IPO7: variants seen among roughly 807,000 people sequenced by gnomAD.
IPO7 encodes importin 7, also known as importin-7.
Under a neutral mutation model 136.4 loss-of-function variants are expected in IPO7, and 13 were observed. The observed-to-expected ratio is 0.10, with a 90% CI of 0.06 to 0.15. The LOEUF (loss-of-function observed/expected upper bound fraction) is 0.15. IPO7 is among the 10% of genes least tolerant of loss of function. The probability of loss-of-function intolerance (pLI) is 1.00; values close to 1 mark genes in which losing one functional copy is unlikely to be tolerated. For synonymous variants in IPO7, 403 were observed against 404.4 expected, an observed-to-expected ratio of 1.00 and a Z score of 0.04; for missense variants, 857 against 1,240.6, an observed-to-expected ratio of 0.69 and a Z score of 4.65.
chr11:9,429,825 A>G lies in IPO7; in HGVS notation c.1743A>G (p.Thr581=). The G allele has an allele frequency of 6.3e-7, 1 of 1,592,778 alleles. No homozygotes were observed. The highest frequency in any genetic ancestry group is 8.5e-7 in the Non-Finnish European group (1 of 1,172,412). Residue 581 remains threonine, a synonymous_variant, in exon 15 of 25, where the codon ACA becomes ACG. Transcript: ENST00000379719. ...EEVTPIAVEM[T]QHLAMTFNQV... Reference sequence around the variant, plus strand: ...TTACTCCTATTGCAGTAGAAATGACACAACATTTGGTATGTTGTTTGAACC... The same window carrying G: ...TTACTCCTATTGCAGTAGAAATGACGCAACATTTGGTATGTTGTTTGAACC...
chr11:9,429,589 T>C, intron 14 of IPO7, 85 bp from the exon 15 acceptor site: 1 of 1,110,884 alleles, frequency 9.0e-7, no homozygotes, highest in South Asian at 1.5e-5. Context: ...AAAGTACTTT[T>C]TTAAAAAACT....
chr11:9,400,373 T>C (rs1564992873), intron 1 of IPO7, among the ~76,000 whole-genome samples: 1 of 152,200 alleles, frequency 6.6e-6, no homozygotes, highest in Non-Finnish European at 1.5e-5. Context: ...TATTCAACCC[T>C]GTAGCCTCAG....
chr11:9,428,791 G>T (rs770499481), intron 13 of IPO7, 162 bp downstream of exon 13: 7 of 783,228 alleles, frequency 8.9e-6, no homozygotes, highest in Non-Finnish European at 1.7e-5. Flanking sequence ...GTGTGCATAG[G>T]TTTCATCTGT....
At chr11:9,403,032 G>T (rs1269623773) in intron 1 of IPO7, 2 of 381,600 alleles carry the variant, frequency 5.2e-6, no homozygotes, top group East Asian at 1.3e-4. Flanking sequence ...AAAAATTAAA[G>T]AAAAAAGAAT....
intron 18 of IPO7, among the ~76,000 whole-genome samples, chr11:9,434,276 G>T (rs550807987): frequency 7.9e-5 from 12 of 152,184 alleles, no homozygotes; most frequent in African/African-American, 2.9e-4. Flanking sequence ...ACAATTATCA[G>T]TAGAAGTTAA....
At chr11:9,397,400 T>G (rs1349119083) in intron 1 of IPO7, among the ~76,000 whole-genome samples, 6 of 134,776 alleles carry the variant, frequency 4.5e-5, no homozygotes, top group Admixed American at 8.1e-5. Flanking sequence ...TGTAAATTTT[T>G]TTAAATTTTC....
chr11:9,398,138 T>C (rs1416698711), intron 1 of IPO7, among the ~76,000 whole-genome samples: 1 of 152,110 alleles, frequency 6.6e-6, no homozygotes, highest in Non-Finnish European at 1.5e-5. Flanking sequence ...AAAACCTTTC[T>C]CACTCTACAC....
chr11:9,438,061 T>TG lies in IPO7; in HGVS notation c.2490-19_2490-18insG. 3 of 762,108 alleles carry TG rather than the reference T, an allele frequency of 3.9e-6. No homozygotes were observed. The highest frequency in any genetic ancestry group is 5.2e-6 in the Non-Finnish European group (3 of 577,952). 47.2% of individuals were successfully genotyped at this position (762,108 alleles called of 1,614,324 possible). A position where few individuals can be genotyped will look rare whatever the true frequency, so the allele number is the denominator to read the frequency against. ...AAGAAAACAGTTTTTTTTTTTTTTT[T>TG]TTTTTTTTTTTTTTTTAGGCTTCAT... is the stretch of plus-strand genomic sequence containing the variant. On this transcript the variant is annotated intron_variant, in intron 21 of 24. Coordinates refer to ENST00000379719, the MANE Select transcript of IPO7 (RefSeq NM_006391.3).
intron 1 of IPO7, among the ~76,000 whole-genome samples, chr11:9,387,579 C>T (rs1286238468): frequency 6.6e-6 from 1 of 152,214 alleles, no homozygotes; most frequent in African/African-American, 2.4e-5. Flanking sequence ...CGCCTGTAAT[C>T]CCAGCATTTT....
At chr11:9,391,891 C>T (rs1478084059) in intron 1 of IPO7, among the ~76,000 whole-genome samples, 1 of 152,102 alleles carries the variant, frequency 6.6e-6, no homozygotes, top group Non-Finnish European at 1.5e-5. Context: ...CTTAGCCTCC[C>T]AACTAGCTGG....
In IPO7 at chr11:9,447,039, A is replaced by C. The variant is rs1855539478; in HGVS notation, c.*1845A>C. The C allele has an allele frequency of 6.6e-6, 1 of 152,242 alleles. No homozygotes were observed. Among genetic ancestry groups the C allele is most frequent in the African/African-American group, 2.4e-5 (1 of 41,478 alleles). 9.4% of individuals were successfully genotyped at this position (152,242 alleles called of 1,614,324 possible). A position where few individuals can be genotyped will look rare whatever the true frequency, so the allele number is the denominator to read the frequency against. Reference sequence around the variant, plus strand: ...TATATAAAGTCAATAAAAATGAAGTAGTTGTATATATGCAACATTGTGTAC... The same window carrying C: ...TATATAAAGTCAATAAAAATGAAGTCGTTGTATATATGCAACATTGTGTAC... On this transcript the variant is annotated 3_prime_UTR_variant, in exon 25 of 25. Coordinates refer to ENST00000379719, the MANE Select transcript of IPO7 (RefSeq NM_006391.3).
intron 1 of IPO7, among the ~76,000 whole-genome samples, chr11:9,395,020 A>G (rs1854689272): frequency 1.3e-5 from 2 of 152,170 alleles, no homozygotes; most frequent in Non-Finnish European, 1.5e-5. Flanking sequence ...GCTAGAATCC[A>G]GGAGCTTGAG....
At chr11:9,422,685 C>A (rs866479066) in intron 8 of IPO7, among the ~76,000 whole-genome samples, 1 of 151,984 alleles carries the variant, frequency 6.6e-6, no homozygotes, top group South Asian at 2.1e-4. Context: ...TGGTGACTTA[C>A]ACCTGTAATC....
In IPO7 at chr11:9,428,716, A is replaced by G. The variant is rs2133755542; in HGVS notation, c.1425+87A>G. ...TTTATATTGAAACTTTTAAATGTTCACTTTGAAGCCTGTGTCTTATTTTAG... is the reference window on the plus strand; with the variant it reads ...TTTATATTGAAACTTTTAAATGTTCGCTTTGAAGCCTGTGTCTTATTTTAG... On this transcript the variant is annotated intron_variant, in intron 13 of 24. Coordinates refer to ENST00000379719, the MANE Select transcript of IPO7 (RefSeq NM_006391.3). 7 of 825,638 alleles carry G rather than the reference A, an allele frequency of 8.5e-6. No homozygotes were observed. The South Asian group carries it at 9.4e-5, about 11-fold the overall frequency. 51.1% of individuals were successfully genotyped at this position (825,638 alleles called of 1,614,324 possible). A position where few individuals can be genotyped will look rare whatever the true frequency, so the allele number is the denominator to read the frequency against.
chr11:9,388,806 G>A (rs936507832), intron 1 of IPO7, among the ~76,000 whole-genome samples: 2 of 151,992 alleles, frequency 1.3e-5, no homozygotes, highest in East Asian at 1.9e-4. Context: ...CTCAAGCAGC[G>A]TCCTCCCATC....
chr11:9,397,193 C>T (rs1343373481), intron 1 of IPO7, among the ~76,000 whole-genome samples: 2 of 150,212 alleles, frequency 1.3e-5, no homozygotes, highest in Non-Finnish European at 3.0e-5. Flanking sequence ...GATCATAGCT[C>T]ACTGCAGCCT....
chr11:9,428,837 G>A (rs767313638), intron 13 of IPO7, 194 bp from the exon 14 acceptor site: 2 of 785,240 alleles, frequency 2.5e-6, no homozygotes, highest in Non-Finnish European at 4.7e-6. Flanking sequence ...TTTTCATTCA[G>A]ATCTTGCTAT....
Position 9,433,570 on chromosome 11 carries a change from A to G in IPO7, c.1882A>G (p.Ile628Val). Residue 628 changes from isoleucine to valine, a missense_variant and splice_region_variant, in exon 17 of 25, where the codon ATA becomes GTA. Around this residue, in one of 11 missense-constraint regions of IPO7, gnomAD observed 190 missense variants for 249.0 expected, o/e 0.76. Coordinates refer to ENST00000379719, the MANE Select transcript of IPO7 (RefSeq NM_006391.3). The stretch of plus-strand genomic sequence containing the variant: ...TATGATTTTTTTTCTTCTCTTTTAG[A>G]TAACCCAACAGCTTGAGGGAATCTG... ...LLSVVEDHKEITQQLEGICLQ... is the reference protein window; with the variant it reads ...LLSVVEDHKEVTQQLEGICLQ... 1 of 1,611,140 alleles carries G rather than the reference A, an allele frequency of 6.2e-7. No homozygotes were observed. The highest frequency in any genetic ancestry group is 8.5e-7 in the Non-Finnish European group (1 of 1,179,198).
At chr11:9,395,061 A>G (rs554432841) in intron 1 of IPO7, among the ~76,000 whole-genome samples, 21 of 152,278 alleles carry the variant, frequency 1.4e-4, no homozygotes, top group Middle Eastern at 3.4e-3. Context: ...AATTAGGGGC[A>G]GCATCCAGAA....
Sources: gnomAD v4.1 joint callset for allele counts (sites outside exome capture counted in the v4.1 genomes callset) on GRCh38, gnomAD v4.1.1 for gene constraint, gnomAD v4.1.1 regional missense constraint, MANE v1.5 for transcripts, NCBI Gene and HGNC (gene_info 2026-07-23, HGNC 2026-07-21) for gene names.